Variants in TRIM44 observed in about 807,000 individuals in gnomAD.
TRIM44 encodes the protein tripartite motif containing 44.
A neutral mutation model predicts 37.4 loss-of-function variants in TRIM44; 13 were observed. That is an observed-to-expected ratio of 0.35 (90% CI 0.23 to 0.55). The LOEUF is 0.55. Ranked by LOEUF, TRIM44 falls within the 20% of genes least tolerant of loss-of-function variation. TRIM44 has a pLI of 0.89. For missense variants in TRIM44, 426 were observed against 437.2 expected (o/e 0.97, Z 0.23); for synonymous variants, 175 against 157.2 (o/e 1.11, Z -0.85).
At chr11:35,764,466 T>C (rs1446081484) in intron 4 of TRIM44, among the ~76,000 whole-genome samples, 1 of 152,210 alleles carries the variant, frequency 6.6e-6, no homozygotes, top group Non-Finnish European at 1.5e-5. Flanking sequence ...CACCAGTCCA[T>C]GTAAGTCAGC....
chr11:35,776,902 G>GA (rs1852973835), intron 4 of TRIM44, among the ~76,000 whole-genome samples: 1 of 152,220 alleles, frequency 6.6e-6, no homozygotes. Flanking sequence ...GAATAAGTGC[G>GA]ATGTGGTGCT....
intron 4 of TRIM44, among the ~76,000 whole-genome samples, chr11:35,741,430 A>G (rs1852396068): frequency 6.6e-6 from 1 of 152,208 alleles, no homozygotes; most frequent in African/African-American, 2.4e-5. Flanking sequence ...GCATGTTAGT[A>G]TATTAACCAG....
chr11:35,699,799 T>C (rs188392188), intron 2 of TRIM44, among the ~76,000 whole-genome samples: 1 of 151,962 alleles, frequency 6.6e-6, no homozygotes, highest in Non-Finnish European at 1.5e-5. Flanking sequence ...AGCATTCTTA[T>C]ACACCAATAA....
chr11:35,792,293 A>G (rs1853225887), intron 4 of TRIM44, among the ~76,000 whole-genome samples: 1 of 152,212 alleles, frequency 6.6e-6, no homozygotes, highest in South Asian at 2.1e-4. Context: ...TGGGTACTCA[A>G]TAAATACTTG....
intron 2 of TRIM44, among the ~76,000 whole-genome samples, chr11:35,702,328 C>T (rs557156757): frequency 3.9e-5 from 6 of 152,314 alleles, no homozygotes; most frequent in South Asian, 4.1e-4. Flanking sequence ...GCGGCCCGTG[C>T]GCATCCACCG....
chr11:35,685,818 C>A (rs1294285741), intron 2 of TRIM44, among the ~76,000 whole-genome samples: 1 of 152,174 alleles, frequency 6.6e-6, no homozygotes, highest in East Asian at 1.9e-4. Context: ...CCTGCGCCAC[C>A]ATGCCCTGCT....
rs1424906718 is a variant in TRIM44 at position 35,810,409 on chromosome 11, C to T, written c.*4024C>T. The T allele has an allele frequency of 1.3e-5, 2 of 151,954 alleles. No individual in the cohort carries two copies. The highest frequency in any genetic ancestry group is 3.9e-4 in the East Asian group (2 of 5,182). 9.4% of individuals were successfully genotyped at this position (151,954 alleles called of 1,614,324 possible). On this transcript the variant is annotated 3_prime_UTR_variant, in exon 5 of 5. Transcript: ENST00000299413. ...AAAAAATCTCATTATGGATTGAGTC[C>T]AGCCCAGCTCTAAGAGAAAAAGAAG...
At chr11:35,766,844 C>CAGGTATATAT (rs1372681909) in intron 4 of TRIM44, among the ~76,000 whole-genome samples, 1 of 152,202 alleles carries the variant, frequency 6.6e-6, no homozygotes. Flanking sequence ...TTACAAGGGG[C>CAGGTATATAT]ACATGATAAA....
intron 3 of TRIM44, among the ~76,000 whole-genome samples, chr11:35,728,861 T>C (rs1852218393): frequency 1.3e-5 from 2 of 152,338 alleles, no homozygotes; most frequent in Non-Finnish European, 1.5e-5. Context: ...TCTAGCCATC[T>C]TTTCAACCTT....
chr11:35,685,125 CT>C (rs1851559531), intron 1 of TRIM44, 133 bp from the exon 2 acceptor site: 4 of 662,238 alleles, frequency 6.0e-6, no homozygotes, highest in Middle Eastern at 2.5e-4. Context: ...GGCAATGCAC[CT>C]CTCCTTTGTT....
At chr11:35,682,013 C>T (rs566487068) in intron 1 of TRIM44, among the ~76,000 whole-genome samples, 138 of 137,652 alleles carry the variant, frequency 1.0e-3, no homozygotes, top group African/African-American at 3.2e-3. Flanking sequence ...GGCTGGAGTG[C>T]AGTGGAGTGA....
chr11:35,794,668 T>C (rs1272441273), intron 4 of TRIM44, among the ~76,000 whole-genome samples: 1 of 152,210 alleles, frequency 6.6e-6, no homozygotes, highest in Admixed American at 6.6e-5. Flanking sequence ...AGGTTGGATT[T>C]ACCTGTCAAA....
At chr11:35,670,883 G>A (rs903550680) in intron 1 of TRIM44, among the ~76,000 whole-genome samples, 2 of 152,178 alleles carry the variant, frequency 1.3e-5, no homozygotes, top group African/African-American at 4.8e-5. Context: ...GGTAGCTAGG[G>A]TGAGAAGCTG....
At chr11:35,746,402 A>G (rs1346381570) in intron 4 of TRIM44, among the ~76,000 whole-genome samples, 1 of 149,888 alleles carries the variant, frequency 6.7e-6, no homozygotes, top group Non-Finnish European at 1.5e-5. Flanking sequence ...GAGGCAGGCA[A>G]GAGGTCAGTA....
chr11:35,793,738 A>G lies in TRIM44; in HGVS notation c.1008-12620A>G, dbSNP rs572786719. ...GCCAGCTGATGTCACAAGCCCCCTCATGTGCTCCCTTCACTCCTCATTGCC... is the reference window on the plus strand; with the variant it reads ...GCCAGCTGATGTCACAAGCCCCCTCGTGTGCTCCCTTCACTCCTCATTGCC... On this transcript the variant is annotated intron_variant, in intron 4 of 4. Transcript: ENST00000299413. Among the ~76,000 whole-genome samples, 199 of 152,222 alleles carry G rather than the reference A, an allele frequency of 1.3e-3. No homozygotes were observed. In the Middle Eastern group the frequency reaches 0.017, roughly 13 times the overall value.
At position 35,662,923 on chromosome 11, in the gene TRIM44, A is replaced by C; in HGVS notation, c.-189A>C. The C allele has an allele frequency of 1.0e-6, 1 of 956,052 alleles. No individual in the cohort carries two copies. The highest frequency in any genetic ancestry group is 1.4e-6 in the Non-Finnish European group (1 of 710,408). 59.2% of individuals were successfully genotyped at this position (956,052 alleles called of 1,614,324 possible). On this transcript the variant is annotated 5_prime_UTR_variant, in exon 1 of 5. Transcript: ENST00000299413. ...GAGCGGAGCAGGCCGAGCCGGCGGA[A>C]AGGGTCTTTGCTGCTGCGCCCGGGC... is the stretch of plus-strand genomic sequence containing the variant.
At chr11:35,755,954 G>A (rs1004808793) in intron 4 of TRIM44, among the ~76,000 whole-genome samples, 5 of 151,710 alleles carry the variant, frequency 3.3e-5, no homozygotes, top group African/African-American at 1.2e-4. Flanking sequence ...CTCCAGCTTT[G>A]TTCTTTTGGC....
At chr11:35,755,745 C>A (rs1357603489) in intron 4 of TRIM44, among the ~76,000 whole-genome samples, 2 of 151,922 alleles carry the variant, frequency 1.3e-5, no homozygotes, top group Non-Finnish European at 2.9e-5. Flanking sequence ...TTCCCAGCAC[C>A]ATTTATTAAA....
intron 4 of TRIM44, among the ~76,000 whole-genome samples, chr11:35,778,076 A>G (rs565373153): frequency 1.6e-4 from 24 of 152,294 alleles, no homozygotes; most frequent in African/African-American, 5.3e-4. Context: ...CATTCTCCCC[A>G]TCACTTTGAG....
Sources: gnomAD v4.1 joint callset for allele counts (sites outside exome capture counted in the v4.1 genomes callset) on GRCh38, gnomAD v4.1.1 for gene constraint, MANE v1.5 for transcripts, NCBI Gene and HGNC (gene_info 2026-07-23, HGNC 2026-07-21) for gene names.